Variants in CCDC112 observed in about 807,000 individuals in gnomAD.
CCDC112 encodes coiled-coil domain containing 112.
In CCDC112, 40 loss-of-function variants were observed where a neutral mutation model predicts 66.3. That is an observed-to-expected ratio of 0.60 (90% CI 0.47 to 0.79). The LOEUF is 0.79. Among genes scored for constraint, CCDC112 ranks in the 30% least tolerant of loss-of-function variants. The pLI is 0.00. For missense variants in CCDC112, 659 were observed against 603.8 expected (o/e 1.09, Z -0.96); for synonymous variants, 214 against 197.2 (o/e 1.09, Z -0.71).
At chr5:115,278,300 C>T (rs1749295822) in intron 3 of CCDC112, among the ~76,000 whole-genome samples, 1 of 151,820 alleles carries the variant, frequency 6.6e-6, no homozygotes, top group Admixed American at 6.6e-5. Flanking sequence ...TACAATATGA[C>T]ATAAATGCAG....
intron 6 of CCDC112, among the ~76,000 whole-genome samples, chr5:115,274,497 G>C (rs1249828740): frequency 6.6e-6 from 1 of 152,040 alleles, no homozygotes; most frequent in South Asian, 2.1e-4. Context: ...ATGTTTACTA[G>C]TCAAAGCATT....
In CCDC112 at chr5:115,275,294, A is replaced by G. The variant is rs747322167; in HGVS notation, c.840T>C (p.Pro280=). The change falls in exon 6 of 10, where the codon CCT becomes CCC. Residue 280 remains proline, a synonymous_variant. Transcript: ENST00000379611. The part of the protein sequence containing the change: ...TFMEEVLEHL[P]GKTQDEVQQH... ...GTTGAACTTCATCTTGTGTTTTTCCAGGAAGGTGTTCTAGAACTTCTTCCA... is the reference window on the plus strand; with the variant it reads ...GTTGAACTTCATCTTGTGTTTTTCCGGGAAGGTGTTCTAGAACTTCTTCCA... 2 of 1,613,942 alleles carry G rather than the reference A, an allele frequency of 1.2e-6. No homozygotes were observed. Among genetic ancestry groups the G allele is most frequent in the South Asian group, 2.2e-5 (2 of 91,070 alleles).
At position 115,276,971 on chromosome 5, in the gene CCDC112, G is replaced by A; in HGVS notation, c.445C>T (p.Pro149Ser). 1 of 1,580,714 alleles carries A rather than the reference G, an allele frequency of 6.3e-7. No homozygotes were observed. The highest frequency in any genetic ancestry group is 1.3e-5 in the African/African-American group (1 of 74,248). Residue 149 changes from proline (P) to serine (S), a missense_variant, in exon 4 of 10, where the codon CCT becomes TCT. Transcript: ENST00000379611. ...QHQLKDVKPT[P>S]DFVEKLREMM... ...AATATCTAAATTTACTTACAATCAG[G>A]TGTAGGCTTCACATCTTTTAATTGA...
chr5:115,289,742 A>G lies in CCDC112; in HGVS notation c.118-4834T>C, dbSNP rs76318838. ...AATAATGTTCTTTTGCAGCGGCTTA[A>G]TCCCGGCTCACTGCAACCTCTACCT... On this transcript the variant is annotated intron_variant, in intron 1 of 9. Transcript: ENST00000379611. Among the ~76,000 whole-genome samples, 365 of 152,298 alleles carry G rather than the reference A, an allele frequency of 2.4e-3. 1 individual carries two copies. The highest frequency in any genetic ancestry group is 8.3e-3 in the African/African-American group (347 of 41,558).
intron 1 of CCDC112, among the ~76,000 whole-genome samples, chr5:115,292,858 G>A (rs1749993034): frequency 6.6e-6 from 1 of 152,208 alleles, no homozygotes; most frequent in Non-Finnish European, 1.5e-5. Flanking sequence ...CTACATGCAG[G>A]CAGGCAGTTT....
At chr5:115,272,675 T>C (rs778018808) in intron 6 of CCDC112, among the ~76,000 whole-genome samples, 1 of 152,240 alleles carries the variant, frequency 6.6e-6, no homozygotes, top group Non-Finnish European at 1.5e-5. Context: ...ATTTAGGGCA[T>C]ATTCACTGAA....
At position 115,284,846 on chromosome 5, in the gene CCDC112, C is replaced by T. The variant is rs750977473; in HGVS notation, c.180G>A (p.Gln60=). 6.2e-7 allele frequency: 1 copy of T among 1,612,608 alleles called. No homozygotes were observed. Among genetic ancestry groups the T allele is most frequent in the South Asian group, 1.1e-5 (1 of 91,014 alleles). The change falls in exon 2 of 10, where the codon CAG becomes CAA. Residue 60 remains glutamine (Q), a synonymous_variant. Coordinates refer to ENST00000379611, the MANE Select transcript of CCDC112 (RefSeq NM_001040440.3). ...CTGCTTTCTTAGTCTGATTAACTTTCTGCTTCCAGTTCTGAAGATGAAAAG... is the reference window on the plus strand; with the variant it reads ...CTGCTTTCTTAGTCTGATTAACTTTTTGCTTCCAGTTCTGAAGATGAAAAG... ...IRPFHLQNWK[Q]KVNQTKKAEF...
chr5:115,275,875 G>C lies in CCDC112; in HGVS notation c.527+119C>G, dbSNP rs563693035. ...CTGAAAACAAAAAAGATATTATATTGCTTTTGTATAAGACTCAAATACATA... is the reference window on the plus strand; with the variant it reads ...CTGAAAACAAAAAAGATATTATATTCCTTTTGTATAAGACTCAAATACATA... On this transcript the variant is annotated intron_variant, in intron 5 of 9. Transcript: ENST00000379611. 1.6e-5 allele frequency: 12 copies of C among 764,172 alleles called. No homozygotes were observed. In the East Asian group the frequency reaches 3.6e-4, roughly 23 times the overall value. 47.3% of individuals were successfully genotyped at this position (764,172 alleles called of 1,614,324 possible). A position where few individuals can be genotyped will look rare whatever the true frequency, so the allele number is the denominator to read the frequency against.
Position 115,269,761 on chromosome 5 carries a change from T to G in CCDC112, c.1370A>C (p.Gln457Pro). 6.3e-7 allele frequency: 1 copy of G among 1,597,402 alleles called. No individual in the cohort carries two copies. Among genetic ancestry groups the G allele is most frequent in the Non-Finnish European group, 8.5e-7 (1 of 1,174,102 alleles). Residue 457 changes from glutamine to proline, a missense_variant, in exon 8 of 10, where the codon CAG becomes CCG. Physicochemically the swap from Gln to Pro is moderately conservative, Grantham distance 76. Coordinates refer to ENST00000379611, the MANE Select transcript of CCDC112 (RefSeq NM_001040440.3). Reference sequence around the variant, plus strand: ...TTGTGACTTTTCATCTTCCTTTGCCTGTCTATCTAGAATTTTCAGTTCAAG... The same window carrying G: ...TTGTGACTTTTCATCTTCCTTTGCCGGTCTATCTAGAATTTTCAGTTCAAG... ...HKLELKILDR[Q>P]AKEDEKSQKQ...
chr5:115,295,832 G>A, intron 1 of CCDC112: 1 of 918,946 alleles, frequency 1.1e-6, no homozygotes, highest in Non-Finnish European at 1.3e-6. Flanking sequence ...ACAGGGACTG[G>A]GTGTGCCGCG....
chr5:115,274,891 G>T (rs1490471685), intron 6 of CCDC112, among the ~76,000 whole-genome samples: 2 of 152,050 alleles, frequency 1.3e-5, no homozygotes, highest in Admixed American at 1.3e-4. Context: ...CAGGTGCGTG[G>T]CACCATGCCC....
chr5:115,285,741 G>C (rs1749647818), intron 1 of CCDC112, among the ~76,000 whole-genome samples: 1 of 152,116 alleles, frequency 6.6e-6, no homozygotes, highest in Non-Finnish European at 1.5e-5. Flanking sequence ...ACAATTTTCT[G>C]GCTATTTTTT....
Position 115,275,552 on chromosome 5 carries a change from T to G in CCDC112, c.582A>C (p.Ile194=). The change falls in exon 6 of 10, where the codon ATA becomes ATC. Residue 194 remains isoleucine, a synonymous_variant. Transcript: ENST00000379611. The part of the protein sequence containing the change: ...EKTTNNELSA[I]SRKIDTWALG... ...AAGCCCATGTGTCAATTTTTCTTGA[T>G]ATGGCACTCAACTCATTATTAGTTG... 6.2e-7 allele frequency: 1 copy of G among 1,612,544 alleles called. No individual in the cohort carries two copies. The highest frequency in any genetic ancestry group is 1.3e-5 in the African/African-American group (1 of 75,002).
intron 6 of CCDC112, among the ~76,000 whole-genome samples, chr5:115,271,922 C>CTTTTTTTTTTTT (rs34279929): frequency 7.6e-6 from 1 of 131,930 alleles, no homozygotes; most frequent in Non-Finnish European, 1.6e-5. Flanking sequence ...TTTACTGCTT[C>CTTTTTTTTTTTT]TTTTTTTTTT....
intron 9 of CCDC112, 57 bp from the exon 10 acceptor site, chr5:115,267,975 A>G (rs1748810127): frequency 8.8e-6 from 12 of 1,361,446 alleles, no homozygotes; most frequent in Middle Eastern, 1.9e-4. Context: ...AAAGAAAAAA[A>G]CCCTATCTGA....
At chr5:115,294,355 GT>G (rs1398401582) in intron 1 of CCDC112, among the ~76,000 whole-genome samples, 1 of 152,150 alleles carries the variant, frequency 6.6e-6, no homozygotes, top group Non-Finnish European at 1.5e-5. Context: ...TAGAACTAGT[GT>G]TCCTATAAGA....
intron 9 of CCDC112, among the ~76,000 whole-genome samples, chr5:115,268,145 C>T (rs753263951): frequency 1.3e-5 from 2 of 152,164 alleles, no homozygotes; most frequent in Admixed American, 6.5e-5. Context: ...ACTTATTAAT[C>T]TATCGATCTT....
chr5:115,280,745 G>C (rs1411785860), intron 2 of CCDC112, among the ~76,000 whole-genome samples: 1 of 151,780 alleles, frequency 6.6e-6, no homozygotes, highest in African/African-American at 2.4e-5. Context: ...ATAGATATAG[G>C]GTTTTGCCAT....
chr5:115,271,270 T>TGCCTTTTCC lies in CCDC112; in HGVS notation c.1266_1274dup (p.Ala428_Lys430dup). ...CATTTTTCCTTTTTTCTGCCTTTTC[T>TGCCTTTTCC]GCCTTTTCCCTTATCTCCTTTTCAA... On this transcript the variant is annotated inframe_insertion, in exon 7 of 10. Transcript: ENST00000379611. 1 of 1,597,578 alleles carries TGCCTTTTCC rather than the reference T, an allele frequency of 6.3e-7. No individual in the cohort carries two copies.
Sources: allele counts gnomAD v4.1 joint callset (sites outside exome capture counted in the v4.1 genomes callset), GRCh38; gene constraint gnomAD v4.1.1; transcripts MANE v1.5; gene names NCBI Gene and HGNC (gene_info 2026-07-23, HGNC 2026-07-21).